Variants in HR observed in about 807,000 individuals in gnomAD.
The protein encoded by HR is HR lysine demethylase and nuclear receptor corepressor, also known as lysine-specific demethylase hairless.
A neutral mutation model predicts 128.6 loss-of-function variants in HR; 83 were observed. The ratio of observed to expected loss-of-function variants is 0.65; its 90% CI spans 0.54 to 0.77. The LOEUF (loss-of-function observed/expected upper bound fraction) is 0.77. HR is among the 30% of genes least tolerant of loss of function. The pLI is 0.00. For missense variants in HR, 1,490 were observed against 1,574.6 expected (o/e 0.95, Z 0.91); for synonymous variants, 681 against 658.2 (o/e 1.03, Z -0.53).
In HR at chr8:22,125,402, G is replaced by A. The variant is rs777975755; in HGVS notation, c.1659C>T (p.Gly553=). ...AACCACTGAGCAGGTGCTTGGCGAG[G>A]CCTGTGCTGAGCCGGCTGTCAGGGC... ...GSGPDSRLST[G]LAKHLLSGLG... The change falls in exon 5 of 19, where the codon GGC becomes GGT. Residue 553 remains glycine (G), a synonymous_variant. Coordinates refer to ENST00000381418, the MANE Select transcript of HR (RefSeq NM_005144.5). 6.2e-6 allele frequency: 10 copies of A among 1,612,182 alleles called. No homozygotes were observed. The highest frequency in any genetic ancestry group is 8.5e-6 in the Non-Finnish European group (10 of 1,179,656).
At chr8:22,126,059 T>A (rs1288396928) in intron 3 of HR, among the ~76,000 whole-genome samples, 1 of 152,142 alleles carries the variant, frequency 6.6e-6, no homozygotes, top group Non-Finnish European at 1.5e-5. Flanking sequence ...TTTGGATAGC[T>A]CCACTGAGGG....
intron 14 of HR, among the ~76,000 whole-genome samples, 185 bp from the exon 15 acceptor site, chr8:22,119,468 G>A (rs376755494): frequency 7.2e-5 from 11 of 152,212 alleles, no homozygotes; most frequent in South Asian, 2.1e-4. Flanking sequence ...TTAGCCGGGC[G>A]TGGTGGTGCA....
chr8:22,121,335 C>A, intron 9 of HR, 107 bp from the exon 10 acceptor site: 1 of 1,419,106 alleles, frequency 7.0e-7, no homozygotes, highest in South Asian at 1.3e-5. Flanking sequence ...TGAGCCCACT[C>A]TCCCCAGCCA....
Position 22,127,336 on chromosome 8 carries a change from C to T in HR, c.1106G>A (p.Arg369Lys), listed in dbSNP as rs1222259294. 1 of 1,613,380 alleles carries T rather than the reference C, an allele frequency of 6.2e-7. No individual in the cohort carries two copies. The highest frequency in any genetic ancestry group is 8.5e-7 in the Non-Finnish European group (1 of 1,180,038). ...GGTGTGGTGGCTGGGGGGACAGGCC[C>T]TGGGGCCAGAGGCCTTGTTCACTTC... ...SEEVNKASGP[R>K]ACPPSHHTKL... The change falls in exon 3 of 19, where the codon AGG (arginine) becomes AAG (lysine). Residue 369 changes from arginine to lysine, a missense_variant. Around this residue, in one of 3 missense-constraint regions of HR, gnomAD observed 1,060 missense variants for 1,060.9 expected, o/e 1.00. Transcript: ENST00000381418.
rs2131749089 is a variant in HR, at chr8:22,116,651, C to T, written c.3379-223G>A. Among the ~76,000 whole-genome samples the T allele has an allele frequency of 6.6e-6, 1 of 152,330 alleles. No individual in the cohort carries two copies. Among genetic ancestry groups the T allele is most frequent in the South Asian group, 2.1e-4 (1 of 4,830 alleles). On this transcript the variant is annotated intron_variant, in intron 17 of 18. Transcript: ENST00000381418. The surrounding 1 kb of genome is among the most constrained non-coding windows in gnomAD (Gnocchi z 4.2). ...AGTCTCCCTGCGAGCCCCCTGACATCAGCATGCCCAGGAGACCAGGAGTGG... is the reference window on the plus strand; with the variant it reads ...AGTCTCCCTGCGAGCCCCCTGACATTAGCATGCCCAGGAGACCAGGAGTGG...
At position 22,120,966 on chromosome 8, in the gene HR, G is replaced by A. The variant is rs774352039; in HGVS notation, c.2368-8C>T. The A allele has an allele frequency of 1.1e-5, 18 of 1,603,540 alleles. No individual in the cohort carries two copies. In the African/African-American group the frequency reaches 1.7e-4, roughly 16 times the overall value. On this transcript the variant is annotated splice_polypyrimidine_tract_variant and splice_region_variant and intron_variant, in intron 10 of 18. Transcript: ENST00000381418. Reference sequence around the variant, plus strand: ...GTTGGTGATGCGGTCATCCTGCAGAGAGGGGCACAGGGGCTTAGGACCCAC... The same window carrying A: ...GTTGGTGATGCGGTCATCCTGCAGAAAGGGGCACAGGGGCTTAGGACCCAC...
In HR at chr8:22,127,425, G is replaced by A; in HGVS notation, c.1017C>T (p.Gly339=). ...GGCCCTCCTGGCACTTCCCACAAGG[G>A]CCAAGACCCCCACCTTTAGTGGGTG... ...SYPPTKGGGL[G]PCGKCQEGLE... is the part of the protein sequence containing the mutation. Residue 339 remains glycine, a synonymous_variant, in exon 3 of 19, where the codon GGC becomes GGT. Transcript: ENST00000381418. The A allele has an allele frequency of 1.2e-6, 2 of 1,612,768 alleles. No homozygotes were observed. Among genetic ancestry groups the A allele is most frequent in the Non-Finnish European group, 1.7e-6 (2 of 1,179,500 alleles).
Position 22,130,178 on chromosome 8 carries a change from C to T in HR, c.-41+250G>A, listed in dbSNP as rs369907487. On this transcript the variant is annotated intron_variant, in intron 1 of 18. Transcript: ENST00000381418. ...CACTAGAGCGGCAGCGCTGCCTTGG[C>T]GCGGTCCCTTCGGCCAGAGCGACGA... Among the ~76,000 whole-genome samples, 35 of 152,356 alleles carry T rather than the reference C, an allele frequency of 2.3e-4. No individual in the cohort carries two copies. In the East Asian group the frequency reaches 2.3e-3, roughly 10 times the overall value.
In HR at chr8:22,121,181, C is replaced by G; in HGVS notation, c.2251G>C (p.Gly751Arg). ...ETPAEDRAGR[G>R]PLPCPSLCEL... ...CAGAGAGAAGGACAAGGCAGGGGCC[C>G]TCGGCCAGCACGGTCCTCTGCTGGG... The change falls in exon 10 of 19, where the codon GGG becomes CGG. Residue 751 changes from glycine to arginine, a missense_variant. Physicochemically the swap from Gly to Arg is moderately radical, Grantham distance 125 (BLOSUM62 -2). This residue lies in a region of HR where 1,060 missense variants were observed against 1,060.9 expected (regional missense o/e 1.00). Transcript: ENST00000381418. The G allele has an allele frequency of 6.2e-7, 1 of 1,613,966 alleles. No individual in the cohort carries two copies. The highest frequency in any genetic ancestry group is 8.5e-7 in the Non-Finnish European group (1 of 1,180,030).
chr8:22,129,207 G>A lies in HR; in HGVS notation c.-37C>T, dbSNP rs773432658. ...CCTCATGGGGCTCTCCCAGAGGGGG[G>A]TCCCTGGAGCATAACCATCAAAGCA... On this transcript the variant is annotated 5_prime_UTR_variant, in exon 2 of 19. Transcript: ENST00000381418. 1.1e-5 allele frequency: 16 copies of A among 1,516,034 alleles called. No homozygotes were observed. The highest frequency in any genetic ancestry group is 9.1e-5 in the Admixed American group (4 of 44,066). 93.9% of individuals were successfully genotyped at this position (1,516,034 alleles called of 1,614,324 possible). A position where few individuals can be genotyped will look rare whatever the true frequency, so the allele number is the denominator to read the frequency against.
Position 22,127,522 on chromosome 8 carries a change from C to T in HR, c.920G>A (p.Gly307Glu). Residue 307 changes from glycine (G) to glutamate (E), a missense_variant, in exon 3 of 19, where the codon GGG becomes GAG. Around this residue, in one of 3 missense-constraint regions of HR, gnomAD observed 1,060 missense variants for 1,060.9 expected, o/e 1.00. Transcript: ENST00000381418. ...PGDGNLGYQL[G>E]PPATPRCPSP... ...GGGGCACCTTGGTGTTGCTGGTGGC[C>T]CCAGCTGGTACCCAAGGTTCCCATC... 1 of 1,613,078 alleles carries T rather than the reference C, an allele frequency of 6.2e-7. No homozygotes were observed. Among genetic ancestry groups the T allele is most frequent in the Non-Finnish European group, 8.5e-7 (1 of 1,179,912 alleles).
chr8:22,125,293 C>G lies in HR; in HGVS notation c.1750+18G>C, dbSNP rs1826855254. On this transcript the variant is annotated intron_variant, in intron 5 of 18. Coordinates refer to ENST00000381418, the MANE Select transcript of HR (RefSeq NM_005144.5). ...CCCCACACAGAGACCCCACGCAGACCCAGGAGGTCCTGTTCACCTTCCCGC... is the reference window on the plus strand; with the variant it reads ...CCCCACACAGAGACCCCACGCAGACGCAGGAGGTCCTGTTCACCTTCCCGC... The G allele has an allele frequency of 6.4e-7, 1 of 1,556,582 alleles. No individual in the cohort carries two copies. Among genetic ancestry groups the G allele is most frequent in the African/African-American group, 1.4e-5 (1 of 73,432 alleles).
At chr8:22,121,028 C>G (rs748681773) in intron 10 of HR, 37 bp downstream of exon 10, 1 of 1,612,900 alleles carries the variant, frequency 6.2e-7, no homozygotes, top group Non-Finnish European at 8.5e-7. Flanking sequence ...GCCTCTGGTC[C>G]CCTGGCTCCT....
rs768558198 is a variant in HR, at chr8:22,122,521, A to T, written c.2093T>A (p.Val698Glu). Residue 698 changes from valine to glutamate, a missense_variant, in exon 8 of 19, where the codon GTA becomes GAA. Physicochemically the swap from Val to Glu is moderately radical, Grantham distance 121 (BLOSUM62 -2). Around this residue, in one of 3 missense-constraint regions of HR, gnomAD observed 1,060 missense variants for 1,060.9 expected, o/e 1.00. Coordinates refer to ENST00000381418, the MANE Select transcript of HR (RefSeq NM_005144.5). Reference protein sequence around the residue: ...GHCPCQADARVWAPGDAGQQK... With the variant: ...GHCPCQADAREWAPGDAGQQK... ...CTGGCCTGCATCCCCGGGGGCCCAT[A>T]CCCGGGCATCAGCTTGGCAGGGGCA... The T allele has an allele frequency of 2.5e-6, 4 of 1,610,628 alleles. No homozygotes were observed. Among genetic ancestry groups the T allele is most frequent in the Non-Finnish European group, 3.4e-6 (4 of 1,178,934 alleles).
chr8:22,120,842 C>CA lies in HR; in HGVS notation c.2483dup (p.Leu830ProfsTer96). 1.3e-6 allele frequency: 2 copies of CA among 1,551,858 alleles called. No homozygotes were observed. Among genetic ancestry groups the CA allele is most frequent in the Non-Finnish European group, 1.7e-6 (2 of 1,147,750 alleles). ...GCCGCACTGGAGAGAGGGGCAGGCC[C>CA]AGGCCCTTGCGCAGACCCGGGCCAG... On this transcript the variant is annotated frameshift_variant, in exon 11 of 19. Transcript: ENST00000381418. LOFTEE classifies it high-confidence loss of function.
intron 2 of HR, 71 bp from the exon 3 acceptor site, chr8:22,127,900 G>T (rs1200501697): frequency 7.1e-7 from 1 of 1,415,342 alleles, no homozygotes; most frequent in South Asian, 1.1e-5. Flanking sequence ...GGGCAGAACT[G>T]ACAAGCAAGA....
intron 5 of HR, among the ~76,000 whole-genome samples, chr8:22,124,648 C>T (rs191338775): frequency 1.5e-4 from 23 of 152,148 alleles, no homozygotes; most frequent in Admixed American, 9.8e-4. Flanking sequence ...GATGGGAATG[C>T]GGGAGAGCTT....
At chr8:22,129,957 G>T (rs376492804) in intron 1 of HR, among the ~76,000 whole-genome samples, 1 of 152,206 alleles carries the variant, frequency 6.6e-6, no homozygotes, top group East Asian at 1.9e-4. Flanking sequence ...AGGGGAGGGG[G>T]ATTAAGAAGC....
In HR at chr8:22,127,716, C is replaced by T. The variant is rs1173608013; in HGVS notation, c.726G>A (p.Glu242=). 53 of 1,606,742 alleles carry T rather than the reference C, an allele frequency of 3.3e-5. No individual in the cohort carries two copies. Among genetic ancestry groups the T allele is most frequent in the Non-Finnish European group, 4.3e-5 (51 of 1,180,016 alleles). The part of the protein sequence containing the change: ...NSGGHLQRAG[E]AERPSLHQRD... ...TCTGGTGCAGTGAAGGGCGTTCGGC[C>T]TCCCCGGCTCTCTGCAGGTGCCCAC... Residue 242 remains glutamate, a synonymous_variant, in exon 3 of 19, where the codon GAG becomes GAA. Transcript: ENST00000381418.
Sources: allele counts gnomAD v4.1 joint callset (sites outside exome capture counted in the v4.1 genomes callset), GRCh38; gene constraint gnomAD v4.1.1; regional missense constraint gnomAD v4.1.1; non-coding constraint Gnocchi (gnomAD v3.1); transcripts MANE v1.5; gene names NCBI Gene and HGNC (gene_info 2026-07-23, HGNC 2026-07-21).